GNG7: variants seen among roughly 807,000 people sequenced by gnomAD.
GNG7 encodes G protein subunit gamma 7, also known as guanine nucleotide-binding protein G(I)/G(S)/G(O) subunit gamma-7.
In GNG7, 1 loss-of-function variant was observed where a neutral mutation model predicts 4.0. That is an observed-to-expected ratio of 0.25 (90% CI 0.09 to 1.18). The LOEUF is 1.18. Among genes scored for constraint, GNG7 ranks in the 50% most tolerant of loss-of-function variants. The probability of loss-of-function intolerance (pLI) is 0.50; values close to 1 mark genes in which losing one functional copy is unlikely to be tolerated. For missense variants in GNG7, 86 were observed against 91.9 expected (o/e 0.94, Z 0.26); for synonymous variants, 34 against 36.9 (o/e 0.92, Z 0.29).
chr19:2,685,353 G>A (rs1453085341), intron 1 of GNG7, among the ~76,000 whole-genome samples: 1 of 152,116 alleles, frequency 6.6e-6, no homozygotes, highest in Non-Finnish European at 1.5e-5. Flanking sequence ...GCTGGGTGCA[G>A]TGGGTCACAC....
Position 2,593,878 on chromosome 19 carries a change from G to A in GNG7, c.-77-38690C>T, listed in dbSNP as rs558050291. On this transcript the variant is annotated intron_variant, in intron 2 of 4. Transcript: ENST00000382159. ...TATATGTTTTGATTACTATTGTGAT[G>A]TTTTAAGTTTTCTGAAGCAAGCTGA... Among the ~76,000 whole-genome samples, 495 of 126,646 alleles carry A rather than the reference G, an allele frequency of 3.9e-3. 2 individuals carry two copies. The highest frequency in any genetic ancestry group is 5.5e-3 in the Non-Finnish European group (343 of 62,506). 83.1% of individuals were successfully genotyped at this position (126,646 alleles called of 152,430 possible).
chr19:2,528,108 A>C (rs1978468223), intron 3 of GNG7, among the ~76,000 whole-genome samples: 1 of 149,716 alleles, frequency 6.7e-6, no homozygotes, highest in Admixed American at 6.6e-5. Flanking sequence ...ACGTCTGCTA[A>C]AAATACAAAA....
intron 3 of GNG7, among the ~76,000 whole-genome samples, chr19:2,554,177 A>G (rs1979474841): frequency 6.8e-6 from 1 of 146,540 alleles, no homozygotes; most frequent in Non-Finnish European, 1.5e-5. Flanking sequence ...TATATAATAT[A>G]TATATTTTTT....
At chr19:2,601,765 G>T (rs1981205480) in intron 2 of GNG7, among the ~76,000 whole-genome samples, 1 of 151,764 alleles carries the variant, frequency 6.6e-6, no homozygotes, top group Admixed American at 6.6e-5. Flanking sequence ...AAATTAGCCG[G>T]GCATGGTGGT....
chr19:2,608,539 G>T (rs529604907), intron 2 of GNG7, among the ~76,000 whole-genome samples: 3 of 152,348 alleles, frequency 2.0e-5, no homozygotes, highest in African/African-American at 7.2e-5. Flanking sequence ...GCACACCTGT[G>T]CCTCTCGAGT....
chr19:2,534,602 G>A (rs950199752), intron 3 of GNG7, among the ~76,000 whole-genome samples: 1 of 152,218 alleles, frequency 6.6e-6, no homozygotes, highest in South Asian at 2.1e-4. Flanking sequence ...GGGCCATGAG[G>A]GAGATGGCTG....
Position 2,668,187 on chromosome 19 carries a change from A to C in GNG7, c.-134-21907T>G, listed in dbSNP as rs188066355. ...TGCACTGCATTCCCAGTTTTTCTGTAAATCTGAAACTATTCTAAAATGAAA... is the reference window on the plus strand; with the variant it reads ...TGCACTGCATTCCCAGTTTTTCTGTCAATCTGAAACTATTCTAAAATGAAA... On this transcript the variant is annotated intron_variant, in intron 1 of 4. Transcript: ENST00000382159. Among the ~76,000 whole-genome samples, 130 of 151,496 alleles carry C rather than the reference A, an allele frequency of 8.6e-4. 2 individuals carry two copies. Among genetic ancestry groups the C allele is most frequent in the African/African-American group, 3.1e-3 (129 of 41,206 alleles).
chr19:2,571,656 T>C (rs539388489), intron 2 of GNG7, among the ~76,000 whole-genome samples: 1,472 of 129,020 alleles, frequency 0.011, 10 homozygotes, highest in Non-Finnish European at 0.018. Flanking sequence ...AGTGCAGAGG[T>C]GCGGTCTCGG....
In GNG7 at chr19:2,512,047, A is replaced by G; in HGVS notation, c.*2975T>C. The G allele has an allele frequency of 1.0e-6, 1 of 985,732 alleles. No individual in the cohort carries two copies. 61.1% of individuals were successfully genotyped at this position (985,732 alleles called of 1,614,324 possible). A position where few individuals can be genotyped will look rare whatever the true frequency, so the allele number is the denominator to read the frequency against. On this transcript the variant is annotated 3_prime_UTR_variant, in exon 5 of 5. Transcript: ENST00000382159. The surrounding 1 kb of genome is among the most constrained non-coding windows in gnomAD (Gnocchi z 4.7). Reference sequence around the variant, plus strand: ...GGAGACCCAGGCTACAGAAGGAGAAACGGCCTTCTCTCTCCCACCCGACGC... The same window carrying G: ...GGAGACCCAGGCTACAGAAGGAGAAGCGGCCTTCTCTCTCCCACCCGACGC...
intron 2 of GNG7, chr19:2,610,725 C>T (rs573166590): frequency 2.0e-5 from 3 of 152,034 alleles, no homozygotes; most frequent in African/African-American, 4.8e-5. Flanking sequence ...AAGCGATCCT[C>T]CCGCCTCAGC....
chr19:2,586,587 T>C (rs1980679415), intron 2 of GNG7, among the ~76,000 whole-genome samples: 1 of 152,060 alleles, frequency 6.6e-6, no homozygotes, highest in Non-Finnish European at 1.5e-5. Context: ...GCCCTGACAT[T>C]TGACAGCCAA....
intron 1 of GNG7, among the ~76,000 whole-genome samples, chr19:2,691,993 T>C (rs997897058): frequency 6.6e-6 from 1 of 151,664 alleles, no homozygotes; most frequent in Admixed American, 6.6e-5. Context: ...CCCCAGGGGG[T>C]GGGGGAGGCA....
At position 2,513,528 on chromosome 19, in the gene GNG7, A is replaced by G; in HGVS notation, c.*1494T>C. On this transcript the variant is annotated 3_prime_UTR_variant, in exon 5 of 5. Transcript: ENST00000382159. ...CTTTCAGAAGCCTCCCCCCGACCCCATGACATCTTCGATTTCCACTTGCCG... is the reference window on the plus strand; with the variant it reads ...CTTTCAGAAGCCTCCCCCCGACCCCGTGACATCTTCGATTTCCACTTGCCG... 1.2e-5 allele frequency: 12 copies of G among 985,554 alleles called. No homozygotes were observed. Among genetic ancestry groups the G allele is most frequent in the Non-Finnish European group, 1.4e-5 (12 of 830,058 alleles). The allele number at this position is 985,554 out of a possible 1,614,324, so 61.1% of individuals were successfully genotyped here. A position where few individuals can be genotyped will look rare whatever the true frequency, so the allele number is the denominator to read the frequency against.
In GNG7 at chr19:2,514,952, G is replaced by A; in HGVS notation, c.*70C>T. ...CTAATTACTGAATGATGCCCTGCCT[G>A]AGACAGAGACAGAGACAGAGAGAGA... On this transcript the variant is annotated 3_prime_UTR_variant, in exon 5 of 5. Coordinates refer to ENST00000382159, the MANE Select transcript of GNG7 (RefSeq NM_052847.3). 2 of 1,261,132 alleles carry A rather than the reference G, an allele frequency of 1.6e-6. No homozygotes were observed. Among genetic ancestry groups the A allele is most frequent in the East Asian group, 2.4e-5 (1 of 42,424 alleles). The allele number at this position is 1,261,132 out of a possible 1,614,324, so 78.1% of individuals were successfully genotyped here.
At chr19:2,625,756 A>G (rs1220008547) in intron 2 of GNG7, among the ~76,000 whole-genome samples, 1 of 152,046 alleles carries the variant, frequency 6.6e-6, no homozygotes, top group Admixed American at 6.6e-5. Flanking sequence ...CAAGGACTTC[A>G]GAGCTGATTA....
intron 1 of GNG7, among the ~76,000 whole-genome samples, chr19:2,670,379 C>T (rs1172852397): frequency 6.6e-6 from 1 of 152,208 alleles, no homozygotes; most frequent in Non-Finnish European, 1.5e-5. Context: ...GTCACCTCGA[C>T]CCCGCTGTCA....
intron 2 of GNG7, among the ~76,000 whole-genome samples, chr19:2,585,455 G>A (rs1211651241): frequency 1.3e-5 from 2 of 149,814 alleles, no homozygotes; most frequent in African/African-American, 2.5e-5. Context: ...AAAAAATAGG[G>A]CAAGGCAAGT....
At chr19:2,593,632 T>C (rs1004319339) in intron 2 of GNG7, among the ~76,000 whole-genome samples, 1 of 151,776 alleles carries the variant, frequency 6.6e-6, no homozygotes, top group African/African-American at 2.4e-5. Flanking sequence ...TAGTCCCAGC[T>C]ACTAGGGGTG....
At chr19:2,538,685 C>CT (rs377367211) in intron 3 of GNG7, 45 of 461,800 alleles carry the variant, frequency 9.7e-5, no homozygotes, top group African/African-American at 8.4e-4. Context: ...GTTCACTACT[C>CT]TAACAGCTCC....
Sources: gnomAD v4.1 joint callset for allele counts (sites outside exome capture counted in the v4.1 genomes callset) on GRCh38, gnomAD v4.1.1 for gene constraint, Gnocchi (gnomAD v3.1) non-coding constraint, MANE v1.5 for transcripts, NCBI Gene and HGNC (gene_info 2026-07-23, HGNC 2026-07-21) for gene names.